Variants in SNTG2 observed in about 807,000 individuals in gnomAD.
SNTG2 encodes the protein syntrophin gamma 2.
Under a neutral mutation model 70.9 loss-of-function variants are expected in SNTG2, and 74 were observed. The ratio of observed to expected loss-of-function variants is 1.04; its 90% CI spans 0.86 to 1.27. The LOEUF is 1.27. SNTG2 is among the 50% of genes most tolerant of loss of function. The pLI is 0.00. For missense variants in SNTG2, 717 were observed against 690.7 expected (o/e 1.04, Z -0.43); for synonymous variants, 278 against 273.8 (o/e 1.02, Z -0.15).
intron 1 of SNTG2, among the ~76,000 whole-genome samples, chr2:1,061,957 CAAAG>C (rs1333576026): frequency 1.3e-5 from 2 of 151,878 alleles, no homozygotes; most frequent in African/African-American, 2.4e-5. Context: ...AAATCTATAA[CAAAG>C]AAATATGTAT....
chr2:1,262,240 A>G (rs1216663219), intron 13 of SNTG2, among the ~76,000 whole-genome samples: 2 of 152,114 alleles, frequency 1.3e-5, no homozygotes, highest in Non-Finnish European at 2.9e-5. Flanking sequence ...GATTAGGGCC[A>G]TCATTGTCTG....
chr2:1,238,176 C>A lies in SNTG2; in HGVS notation c.849+159C>A, dbSNP rs532214942. 7.2e-5 allele frequency among the ~76,000 whole-genome samples: 11 copies of A among 152,224 alleles called. No individual in the cohort carries two copies. In the South Asian group the frequency reaches 1.0e-3, roughly 14 times the overall value. The stretch of plus-strand genomic sequence containing the variant: ...ATGTCTAAAAACATTAAAAATGAAG[C>A]CATCAGAATGTTTCCAAATCAAAGA... On this transcript the variant is annotated intron_variant, in intron 10 of 16. Transcript: ENST00000308624.
At position 1,148,645 on chromosome 2, in the gene SNTG2, G is replaced by A. The variant is rs1414043355; in HGVS notation, c.411+10836G>A. Among the ~76,000 whole-genome samples the A allele has an allele frequency of 2.6e-5, 4 of 152,204 alleles. No homozygotes were observed. The South Asian group carries it at 8.3e-4, about 32-fold the overall frequency. ...GCGGGATGCACCTGTGGTTTGGAAA[G>A]GGTTCCCCCCGCTCCTTGTGTGATC... On this transcript the variant is annotated intron_variant, in intron 6 of 16. Coordinates refer to ENST00000308624, the MANE Select transcript of SNTG2 (RefSeq NM_018968.4).
At position 1,248,894 on chromosome 2, in the gene SNTG2, T is replaced by A. The variant is rs564864905; in HGVS notation, c.1005+1451T>A. On this transcript the variant is annotated intron_variant, in intron 12 of 16. Coordinates refer to ENST00000308624, the MANE Select transcript of SNTG2 (RefSeq NM_018968.4). ...AACTCAGGGATTCTTCAAACCCTAA[T>A]GGGCAGATCCTAATTCAATAACCAT... Among the ~76,000 whole-genome samples the A allele has an allele frequency of 9.8e-5, 15 of 152,322 alleles. No individual in the cohort carries two copies. In the East Asian group the frequency reaches 1.2e-3, roughly 12 times the overall value.
intron 8 of SNTG2, among the ~76,000 whole-genome samples, chr2:1,178,891 C>G (rs1671667876): frequency 6.6e-6 from 1 of 152,148 alleles, no homozygotes; most frequent in African/African-American, 2.4e-5. Context: ...CCAGCTCCTC[C>G]TTGTACCTCT....
chr2:1,350,731 A>C (rs977385912), intron 16 of SNTG2, among the ~76,000 whole-genome samples: 4 of 152,138 alleles, frequency 2.6e-5, no homozygotes, highest in Non-Finnish European at 5.9e-5. Context: ...AAATGCCAAC[A>C]TGCTTCCAAA....
chr2:1,145,234 A>G (rs2147787700), intron 6 of SNTG2, among the ~76,000 whole-genome samples: 1 of 152,302 alleles, frequency 6.6e-6, no homozygotes, highest in African/African-American at 2.4e-5. Context: ...AGAGGAAAAT[A>G]AATGATGAAA....
At chr2:1,212,939 T>C (rs921416378) in intron 9 of SNTG2, among the ~76,000 whole-genome samples, 7 of 152,234 alleles carry the variant, frequency 4.6e-5, no homozygotes, top group African/African-American at 1.7e-4. Flanking sequence ...AGCTGTAAGC[T>C]GTAGCCCAGG....
intron 16 of SNTG2, among the ~76,000 whole-genome samples, chr2:1,328,948 T>C (rs898878411): frequency 6.6e-6 from 1 of 152,016 alleles, no homozygotes; most frequent in African/African-American, 2.4e-5. Context: ...CATGCACATA[T>C]ACACATACGC....
chr2:1,162,944 T>C (rs1670426570), intron 6 of SNTG2, among the ~76,000 whole-genome samples: 1 of 152,138 alleles, frequency 6.6e-6, no homozygotes, highest in Non-Finnish European at 1.5e-5. Flanking sequence ...GGTGCACTTG[T>C]ACTGAACAGC....
At position 1,083,573 on chromosome 2, in the gene SNTG2, T is replaced by A; in HGVS notation, c.128T>A (p.Ile43Asn). 6.2e-7 allele frequency: 1 copy of A among 1,613,730 alleles called. No individual in the cohort carries two copies. The highest frequency in any genetic ancestry group is 8.5e-7 in the Non-Finnish European group (1 of 1,179,718). ...YDEESENAYD[I>N]RLKLTKEVLT... ...GAAGAGTCCGAAAATGCCTATGACA[T>A]CCGGCTGAAGCTGACGAAAGAGGTG... Residue 43 changes from isoleucine (I) to asparagine (N), a missense_variant, in exon 2 of 17, where the codon ATC (isoleucine) becomes AAC (asparagine). Physicochemically the swap from Ile to Asn is moderately radical, Grantham distance 149. Transcript: ENST00000308624.
chr2:978,323 C>A (rs757804876), intron 1 of SNTG2, among the ~76,000 whole-genome samples: 13 of 152,176 alleles, frequency 8.5e-5, no homozygotes, highest in Non-Finnish European at 1.9e-4. Context: ...AAAAGTGATT[C>A]AGGCATTATT....
At chr2:1,057,440 G>A (rs928132112) in intron 1 of SNTG2, among the ~76,000 whole-genome samples, 3 of 152,118 alleles carry the variant, frequency 2.0e-5, no homozygotes, top group African/African-American at 7.2e-5. Context: ...AACATAGTCC[G>A]TCTGCAAGCT....
chr2:1,146,382 T>TC (rs34694264), intron 6 of SNTG2, among the ~76,000 whole-genome samples: 55,686 of 151,738 alleles, frequency 0.37, 11,000 homozygotes, highest in East Asian at 0.83. Flanking sequence ...AACTACAAAA[T>TC]TGATGAAAGA....
intron 6 of SNTG2, chr2:1,160,175 A>G (rs1205449857): frequency 6.6e-6 from 1 of 152,174 alleles, no homozygotes; most frequent in Non-Finnish European, 1.5e-5. Flanking sequence ...TCACACATCT[A>G]CACGTGTGGC....
At chr2:1,015,598 T>C (rs1247598108) in intron 1 of SNTG2, among the ~76,000 whole-genome samples, 1 of 152,208 alleles carries the variant, frequency 6.6e-6, no homozygotes, top group Non-Finnish European at 1.5e-5. Context: ...ATGTCCAAGT[T>C]CACTTGTGAT....
intron 12 of SNTG2, chr2:1,256,343 G>T (rs189069869): frequency 6.6e-6 from 1 of 152,206 alleles, no homozygotes. Flanking sequence ...TACAGAGAGG[G>T]TTTTGACTAG....
At chr2:1,207,750 G>A (rs757844662) in intron 8 of SNTG2, among the ~76,000 whole-genome samples, 4 of 152,228 alleles carry the variant, frequency 2.6e-5, no homozygotes, top group Non-Finnish European at 5.9e-5. Context: ...ACCGCCCCCC[G>A]TCTCCTCTCA....
chr2:1,329,617 A>C (rs909532942), intron 16 of SNTG2, among the ~76,000 whole-genome samples: 5 of 152,216 alleles, frequency 3.3e-5, no homozygotes, highest in African/African-American at 1.2e-4. Context: ...AAAAGTGTCC[A>C]TGGGGGTAGT....
Sources: gnomAD v4.1 joint callset for allele counts (sites outside exome capture counted in the v4.1 genomes callset) on GRCh38, gnomAD v4.1.1 for gene constraint, MANE v1.5 for transcripts, NCBI Gene and HGNC (gene_info 2026-07-23, HGNC 2026-07-21) for gene names.